The following MESP1 variants were observed in gnomAD, a reference collection of about 807,000 sequenced individuals.
The protein encoded by MESP1 is mesoderm posterior protein 1.
Under a neutral mutation model 15.2 loss-of-function variants are expected in MESP1, and 22 were observed. The observed-to-expected ratio is 1.45, with a 90% CI of 1.04 to 2.07. The LOEUF (loss-of-function observed/expected upper bound fraction) is 2.07. MESP1 is among the 30% of genes most tolerant of loss of function. The pLI, the probability that MESP1 is intolerant of heterozygous loss-of-function variation, is 0.00. For missense variants in MESP1, 484 were observed against 411.9 expected, an observed-to-expected ratio of 1.17 and a Z score of -1.51; for synonymous variants, 216 against 192.6, an observed-to-expected ratio of 1.12 and a Z score of -1.01.
chr15:89,737,688 T>A, the MESP1 span: 1 of 1,614,172 alleles, frequency 6.2e-7, no homozygotes, highest in Non-Finnish European at 8.5e-7. Flanking sequence ...TGGAAGCCAG[T>A]GTTTGCTGTG....
downstream of MESP1, among the ~76,000 whole-genome samples, chr15:89,745,568 C>T (rs1289123351): frequency 6.6e-6 from 1 of 152,084 alleles, no homozygotes; most frequent in Admixed American, 6.5e-5. The surrounding 1 kb of genome is among the most constrained non-coding windows in gnomAD (Gnocchi z 4.8). Context: ...TCGAGACCAT[C>T]CTGGCTAACA....
chr15:89,737,046 C>T, the MESP1 span, among the ~76,000 whole-genome samples: 1 of 152,192 alleles, frequency 6.6e-6, no homozygotes, highest in Non-Finnish European at 1.5e-5. Context: ...CCACCTTGGC[C>T]TCCCAAAGTG....
At chr15:89,746,874 CACAG>C (rs1967972783), downstream of MESP1, among the ~76,000 whole-genome samples, 1 of 146,776 alleles carries the variant, frequency 6.8e-6, no homozygotes, top group Non-Finnish European at 1.5e-5. Context: ...CACACACACA[CACAG>C]AGCCCTGCTG....
the MESP1 span, chr15:89,732,963 C>G: frequency 6.3e-7 from 1 of 1,597,478 alleles, no homozygotes. Context: ...GGCCTCCTCC[C>G]CTACCCCGTT....
At chr15:89,742,517 T>C in the MESP1 span, among the ~76,000 whole-genome samples, 1 of 152,152 alleles carries the variant, frequency 6.6e-6, no homozygotes, top group Non-Finnish European at 1.5e-5. Context: ...ACTTATTATT[T>C]TTTTTTAAAC....
chr15:89,747,101 T>C (rs1448299724), downstream of MESP1, among the ~76,000 whole-genome samples: 9 of 127,578 alleles, frequency 7.1e-5, no homozygotes, highest in East Asian at 7.5e-4. Context: ...CACTGCCACA[T>C]ACACACACAC....
the MESP1 span, among the ~76,000 whole-genome samples, chr15:89,735,237 A>C: frequency 6.6e-6 from 1 of 152,316 alleles, no homozygotes; most frequent in East Asian, 1.9e-4. Context: ...CAAGAGCCAT[A>C]CATGTTGATG....
At position 89,750,874 on chromosome 15, in the gene MESP1, G is replaced by A. The variant is rs968749031; in HGVS notation, c.358C>T (p.Leu120=). 1.3e-6 allele frequency: 2 copies of A among 1,514,776 alleles called. No individual in the cohort carries two copies. Among genetic ancestry groups the A allele is most frequent in the Admixed American group, 2.1e-5 (1 of 46,586 alleles). The allele number at this position is 1,514,776 out of a possible 1,614,324, so 93.8% of individuals were successfully genotyped here. The change falls in exon 1 of 2, where the codon CTG becomes TTG. Residue 120 remains leucine (L), a synonymous_variant. Coordinates refer to ENST00000300057, the MANE Select transcript of MESP1 (RefSeq NM_018670.4). ...AGGCGCAGCGTCTCGATCTTGGTCA[G>A]GCTCTGGCCCGCGGGCGCCACGGAC... The part of the protein sequence containing the change: ...PPSVAPAGQS[L]TKIETLRLAI...
At chr15:89,735,623 T>C in the MESP1 span, 1 of 1,512,830 alleles carries the variant, frequency 6.6e-7, no homozygotes. Flanking sequence ...TGTTCATCTG[T>C]CCTTTAGAAA....
At chr15:89,735,517 C>G in the MESP1 span, 2 of 1,614,088 alleles carry the variant, frequency 1.2e-6, no homozygotes, top group South Asian at 1.1e-5. Flanking sequence ...ATAAAACCAT[C>G]TGTGCCGTGG....
the MESP1 span, chr15:89,732,959 C>CT: frequency 1.8e-5 from 29 of 1,589,296 alleles, no homozygotes; most frequent in South Asian, 2.9e-4. Flanking sequence ...CCATGGCCTC[C>CT]TCCCCTACCC....
the MESP1 span, chr15:89,735,650 T>C: frequency 1.6e-6 from 2 of 1,281,118 alleles, no homozygotes; most frequent in Non-Finnish European, 2.3e-6. Context: ...ATTGAAGGCC[T>C]GTTATGTGTT....
chr15:89,736,184 T>C, the MESP1 span, among the ~76,000 whole-genome samples: 1 of 152,196 alleles, frequency 6.6e-6, no homozygotes, highest in Non-Finnish European at 1.5e-5. Context: ...AGTTCGGCGA[T>C]GGACTCCACA....
chr15:89,735,352 A>T, the MESP1 span: 4 of 736,246 alleles, frequency 5.4e-6, no homozygotes, highest in Middle Eastern at 3.0e-4. Context: ...ATTGTTCTTA[A>T]TTTTTTGCTA....
chr15:89,744,988 T>C (rs1248672878), downstream of MESP1, among the ~76,000 whole-genome samples: 1 of 152,086 alleles, frequency 6.6e-6, no homozygotes, highest in Non-Finnish European at 1.5e-5. Context: ...CTGCGGCAGG[T>C]GTCCATCCCT....
At chr15:89,738,059 C>A in the MESP1 span, 2 of 1,611,656 alleles carry the variant, frequency 1.2e-6, no homozygotes, top group African/African-American at 2.7e-5. Flanking sequence ...TCACATGAAA[C>A]TGCGTCCACC....
the MESP1 span, among the ~76,000 whole-genome samples, chr15:89,739,218 T>G: frequency 1.3e-5 from 2 of 152,228 alleles, no homozygotes; most frequent in Non-Finnish European, 2.9e-5. Context: ...TGCCTGGTTT[T>G]GTAAATAAGG....
chr15:89,742,744 G>A, the MESP1 span, among the ~76,000 whole-genome samples: 1 of 152,044 alleles, frequency 6.6e-6, no homozygotes, highest in South Asian at 2.1e-4. Flanking sequence ...GGTTGGCCAG[G>A]CTAGTCTCAA....
At chr15:89,746,709 CCA>C (rs371526793), downstream of MESP1, among the ~76,000 whole-genome samples, 5 of 140,732 alleles carry the variant, frequency 3.6e-5, no homozygotes, top group African/African-American at 8.2e-5. Flanking sequence ...AGCCCCGCCT[CCA>C]CACACACACA....
Sources: gnomAD v4.1 joint callset for allele counts (sites outside exome capture counted in the v4.1 genomes callset) on GRCh38, gnomAD v4.1.1 for gene constraint, Gnocchi (gnomAD v3.1) non-coding constraint, MANE v1.5 for transcripts, NCBI Gene and HGNC (gene_info 2026-07-23, HGNC 2026-07-21) for gene names.